Variants in UNKL observed in about 807,000 individuals in gnomAD.
UNKL encodes the protein putative E3 ubiquitin-protein ligase UNKL.
Under a neutral mutation model 78.0 loss-of-function variants are expected in UNKL, and 60 were observed. The observed-to-expected ratio is 0.77, with a 90% CI of 0.63 to 0.95. The LOEUF (loss-of-function observed/expected upper bound fraction) is 0.95. Among genes scored for constraint, UNKL ranks in the 40% least tolerant of loss-of-function variants. The probability of loss-of-function intolerance (pLI) is 0.00; values close to 1 mark genes in which losing one functional copy is unlikely to be tolerated. For missense variants in UNKL, 1,159 were observed against 1,045.7 expected, an observed-to-expected ratio of 1.11 and a Z score of -1.49; for synonymous variants, 608 against 474.8, an observed-to-expected ratio of 1.28 and a Z score of -3.65.
rs555653294 is a variant in UNKL, at chr16:1,385,323, C to T, written c.1149G>A (p.Ala383=). ...AGCCGGCGCTGGACGCCAGGCTGGA[C>T]GCCACGCTGGAGCTCACGCTGGGGG... ...PPAPSVSSSV[A]SSLASSAGSG... The change falls in exon 10 of 15, where the codon GCG becomes GCA. Residue 383 remains alanine (A), a synonymous_variant. Coordinates refer to ENST00000389221, the MANE Select transcript of UNKL (RefSeq NM_001372107.1). The T allele has an allele frequency of 7.5e-5, 107 of 1,420,162 alleles. 1 individual carries two copies. In the African/African-American group the frequency reaches 1.4e-3, roughly 19 times the overall value. 88.0% of individuals were successfully genotyped at this position (1,420,162 alleles called of 1,614,324 possible).
intron 2 of UNKL, among the ~76,000 whole-genome samples, chr16:1,411,668 T>C (rs2038043737): frequency 6.6e-6 from 1 of 151,592 alleles, no homozygotes; most frequent in Non-Finnish European, 1.5e-5. Context: ...CTACTAAAAA[T>C]ACAAAAATTA....
chr16:1,414,618 T>A lies in UNKL; in HGVS notation c.74A>T (p.Tyr25Phe). The A allele has an allele frequency of 9.1e-7, 1 of 1,096,532 alleles. No individual in the cohort carries two copies. The highest frequency in any genetic ancestry group is 8.1e-5 in the East Asian group (1 of 12,420). 67.9% of individuals were successfully genotyped at this position (1,096,532 alleles called of 1,614,324 possible). Residue 25 changes from tyrosine to phenylalanine, a missense_variant, in exon 1 of 15, where the codon TAC becomes TTC. Tyr to Phe is a conservative substitution (Grantham distance 22). Coordinates refer to ENST00000389221, the MANE Select transcript of UNKL (RefSeq NM_001372107.1). ...CGCAGGCCGGACGGGCGCTGACCTG[T>A]AGTGGGTCGGCTTCTCAGTCTGCGG... is the stretch of plus-strand genomic sequence containing the variant. The part of the protein sequence containing the change: ...SPPQTEKPTH[Y>F]RYLKEFRTEQ...
chr16:1,405,929 G>A (rs1309042388), intron 2 of UNKL: 1 of 456,540 alleles, frequency 2.2e-6, no homozygotes, highest in East Asian at 7.0e-5. Context: ...GGGTCCACCA[G>A]ACCCCCTTAA....
intron 11 of UNKL, 132 bp from the exon 12 acceptor site, chr16:1,370,489 G>A (rs896229906): frequency 9.6e-6 from 13 of 1,354,936 alleles, no homozygotes; most frequent in East Asian, 2.7e-5. Context: ...GGAATATAGG[G>A]GCCAGGCCAG....
chr16:1,368,648 C>T (rs1485069692), intron 12 of UNKL, among the ~76,000 whole-genome samples: 1 of 145,342 alleles, frequency 6.9e-6, no homozygotes, highest in Admixed American at 7.0e-5. Context: ...GGCCTGTCAT[C>T]CCAGCACTTT....
intron 2 of UNKL, 77 bp downstream of exon 2, chr16:1,413,769 T>G (rs962180314): frequency 1.4e-6 from 2 of 1,432,114 alleles, no homozygotes; most frequent in Non-Finnish European, 1.9e-6. Context: ...AGGCGTCCGC[T>G]GAGGGTCCCG....
intron 12 of UNKL, among the ~76,000 whole-genome samples, chr16:1,369,577 C>G (rs959379463): frequency 6.6e-6 from 1 of 152,256 alleles, no homozygotes. Context: ...CCATGTTGGT[C>G]AGGCTGGTCT....
chr16:1,389,006 C>A (rs1214979631), intron 9 of UNKL, among the ~76,000 whole-genome samples: 1 of 152,244 alleles, frequency 6.6e-6, no homozygotes, highest in African/African-American at 2.4e-5. Context: ...ACCTCCAGAA[C>A]TCCTCATCTT....
Position 1,367,626 on chromosome 16 carries a change from C to A in UNKL, c.1788+30G>T, listed in dbSNP as rs774878136. 4 of 1,542,232 alleles carry A rather than the reference C, an allele frequency of 2.6e-6. No homozygotes were observed. The South Asian group carries it at 3.6e-5, about 14-fold the overall frequency. ...GAGTCCCCTGCGGCCCTCCCTCCCC[C>A]TCACCTGTCTGGCCCCCCCACACAC... On this transcript the variant is annotated intron_variant, in intron 13 of 14. Transcript: ENST00000389221.
chr16:1,403,488 G>C lies in UNKL; in HGVS notation c.288-144C>G. 1 of 1,051,666 alleles carries C rather than the reference G, an allele frequency of 9.5e-7. No individual in the cohort carries two copies. Among genetic ancestry groups the C allele is most frequent in the Non-Finnish European group, 1.3e-6 (1 of 743,514 alleles). 65.1% of individuals were successfully genotyped at this position (1,051,666 alleles called of 1,614,324 possible). On this transcript the variant is annotated intron_variant, in intron 2 of 14. Transcript: ENST00000389221. The surrounding 1 kb of genome is among the most constrained non-coding windows in gnomAD (Gnocchi z 4.8). ...GATTCCTGTTCTAATCAGAAGGACG[G>C]ACACACTGGACGCAGCACCTGTCCC...
At chr16:1,413,125 G>C (rs2038115676) in intron 2 of UNKL, among the ~76,000 whole-genome samples, 1 of 151,880 alleles carries the variant, frequency 6.6e-6, no homozygotes, top group African/African-American at 2.4e-5. Context: ...TGAGCCTGTA[G>C]TCCCAGCTAC....
At chr16:1,408,285 G>A (rs2037865337) in intron 2 of UNKL, among the ~76,000 whole-genome samples, 1 of 152,050 alleles carries the variant, frequency 6.6e-6, no homozygotes, top group Admixed American at 6.5e-5. Context: ...GACCAGGACG[G>A]TTCCCACGGG....
At chr16:1,391,429 T>C (rs2037050230) in intron 8 of UNKL, among the ~76,000 whole-genome samples, 3 of 151,846 alleles carry the variant, frequency 2.0e-5, no homozygotes, top group African/African-American at 7.3e-5. Context: ...CCCAAGAAGC[T>C]GTGAGCACAG....
At chr16:1,389,059 C>G in intron 9 of UNKL, among the ~76,000 whole-genome samples, 1 of 152,100 alleles carries the variant, frequency 6.6e-6, no homozygotes, top group South Asian at 2.1e-4. Flanking sequence ...CCCCCTCCCC[C>G]GGCCCCGGCC....
At position 1,366,285 on chromosome 16, in the gene UNKL, G is replaced by T. The variant is rs373042707; in HGVS notation, c.2157C>A (p.Thr719=). ...CCTTGCAGTAGGGGCACTCAGGTGC[G>T]GTGGCCGCACACGGCTCACAGAGGA... ...HHILCEPCAA[T]APECPYCKGQ... is the part of the protein sequence containing the mutation. The change falls in exon 15 of 15, where the codon ACC becomes ACA. Residue 719 remains threonine, a synonymous_variant. Transcript: ENST00000389221. 1 of 1,595,330 alleles carries T rather than the reference G, an allele frequency of 6.3e-7. No homozygotes were observed.
intron 1 of UNKL, 130 bp downstream of exon 1, chr16:1,414,467 CCGAGAGCAGAGGGTCGTG>C (rs2038188016): frequency 1.7e-5 from 3 of 180,826 alleles, no homozygotes; most frequent in Non-Finnish European, 1.1e-5. Context: ...GCGGAGGCCG[CCGAGAGCAGAGGGTCGTG>C]GCCCCCCCAG....
Position 1,403,430 on chromosome 16 carries a change from G to T in UNKL, c.288-86C>A. ...CCCTGGGTCCACGCCCTGTCAGCAC[G>T]TGGCAAGCAGTGAATTCCCTTCCCT... On this transcript the variant is annotated intron_variant, in intron 2 of 14. Transcript: ENST00000389221. This position sits in a 1 kb window ranked among gnomAD's most constrained non-coding sequence, Gnocchi z 4.8. 7.0e-7 allele frequency: 1 copy of T among 1,434,816 alleles called. No individual in the cohort carries two copies. The allele number at this position is 1,434,816 out of a possible 1,614,324, so 88.9% of individuals were successfully genotyped here. A position where few individuals can be genotyped will look rare whatever the true frequency, so the allele number is the denominator to read the frequency against.
chr16:1,395,669 T>G (rs1174832239), intron 6 of UNKL: 3 of 455,068 alleles, frequency 6.6e-6, no homozygotes, highest in Middle Eastern at 7.6e-4. Context: ...GGCGGGAGGG[T>G]TTATCTCCCT....
intron 7 of UNKL, 129 bp from the exon 8 acceptor site, chr16:1,393,105 C>T: frequency 2.1e-6 from 2 of 964,268 alleles, no homozygotes; most frequent in African/African-American, 3.2e-5. Flanking sequence ...AGGGGTGCGG[C>T]AGAGGACGGC....
Sources: gnomAD v4.1 joint callset for allele counts (sites outside exome capture counted in the v4.1 genomes callset) on GRCh38, gnomAD v4.1.1 for gene constraint, Gnocchi (gnomAD v3.1) non-coding constraint, MANE v1.5 for transcripts, NCBI Gene and HGNC (gene_info 2026-07-23, HGNC 2026-07-21) for gene names.